EVL: variants seen among roughly 807,000 people sequenced by gnomAD.
EVL encodes ena/VASP-like protein.
A neutral mutation model predicts 59.6 loss-of-function variants in EVL; 21 were observed. The observed-to-expected ratio is 0.35, with a 90% CI of 0.25 to 0.51. EVL has a LOEUF of 0.51. EVL is among the 20% of genes least tolerant of loss of function. The probability of loss-of-function intolerance (pLI) is 0.97; values close to 1 mark genes in which losing one functional copy is unlikely to be tolerated. For synonymous variants in EVL, 198 were observed against 203.5 expected (o/e 0.97, Z 0.23); for missense variants, 462 against 546.6 (o/e 0.85, Z 1.54).
rs755798736 is a variant in EVL at position 100,128,678 on chromosome 14, G to A, written c.647G>A (p.Ser216Asn). The A allele has an allele frequency of 1.3e-6, 2 of 1,588,976 alleles. No homozygotes were observed. The highest frequency in any genetic ancestry group is 3.4e-5 in the Admixed American group (2 of 58,264). ...PLPAGGAQGS[S>N]HDESSMSGLA... is the part of the protein sequence containing the mutation. Reference sequence around the variant, plus strand: ...CCAGCCGGAGGAGCCCAGGGGTCCAGCCACGACGAGAGCTCCATGTCAGGA... The same window carrying A: ...CCAGCCGGAGGAGCCCAGGGGTCCAACCACGACGAGAGCTCCATGTCAGGA... Residue 216 changes from serine (S) to asparagine (N), a missense_variant, in exon 6 of 14, where the codon AGC (serine) becomes AAC (asparagine). Transcript: ENST00000392920.
intron 1 of EVL, among the ~76,000 whole-genome samples, chr14:100,005,702 T>C (rs2060974503): frequency 6.6e-6 from 1 of 151,726 alleles, no homozygotes; most frequent in Non-Finnish European, 1.5e-5. Context: ...TTAAACTGAC[T>C]TTTAACCATT....
At chr14:100,039,750 C>T (rs1006177715) in intron 1 of EVL, among the ~76,000 whole-genome samples, 1 of 152,062 alleles carries the variant, frequency 6.6e-6, no homozygotes, top group Non-Finnish European at 1.5e-5. Flanking sequence ...TTCTCTCTGG[C>T]TTGTGTGTCT....
At chr14:100,071,314 A>C (rs2062044438) in intron 1 of EVL, among the ~76,000 whole-genome samples, 1 of 152,220 alleles carries the variant, frequency 6.6e-6, no homozygotes, top group Non-Finnish European at 1.5e-5. Context: ...ATTGTCTTTC[A>C]TTGCTGTAAT....
chr14:100,109,673 A>C lies in EVL; in HGVS notation c.358+12015A>C. On this transcript the variant is annotated intron_variant, in intron 3 of 13. Transcript: ENST00000392920. This position sits in a 1 kb window ranked among gnomAD's most constrained non-coding sequence, Gnocchi z 4.3. ...AACCTGTGAAACTGGGCTCAAGGTG[A>C]GGGGTGCTATCTGTGATTGAGGGAC... is the stretch of plus-strand genomic sequence containing the variant. The C allele has an allele frequency of 1.9e-6, 1 of 532,166 alleles. No homozygotes were observed. Among genetic ancestry groups the C allele is most frequent in the Non-Finnish European group, 3.9e-6 (1 of 259,006 alleles). The allele number at this position is 532,166 out of a possible 1,614,324, so 33.0% of individuals were successfully genotyped here.
At chr14:100,029,948 C>T (rs1199763688) in intron 1 of EVL, among the ~76,000 whole-genome samples, 1 of 152,154 alleles carries the variant, frequency 6.6e-6, no homozygotes, top group Non-Finnish European at 1.5e-5. Context: ...GGAAATCCTA[C>T]TAGGTGTTTT....
chr14:100,022,981 A>G (rs2061151214), intron 1 of EVL, among the ~76,000 whole-genome samples: 1 of 152,094 alleles, frequency 6.6e-6, no homozygotes, highest in African/African-American at 2.4e-5. Flanking sequence ...ATCCCTGCAG[A>G]TGATCTCACT....
intron 1 of EVL, among the ~76,000 whole-genome samples, chr14:100,026,657 T>C (rs2061218832): frequency 6.6e-6 from 1 of 152,198 alleles, no homozygotes; most frequent in South Asian, 2.1e-4. Context: ...TGCTTACTAC[T>C]GTGTAGTTGT....
At chr14:100,036,138 A>G (rs1159214099) in intron 1 of EVL, among the ~76,000 whole-genome samples, 3 of 152,092 alleles carry the variant, frequency 2.0e-5, no homozygotes, top group Non-Finnish European at 4.4e-5. Context: ...CAGAAACCCT[A>G]CTGTGAACTG....
rs566542060 is a variant in EVL, at chr14:100,129,621, G to A, written c.776G>A (p.Arg259Gln). Residue 259 changes from arginine (R) to glutamine (Q), a missense_variant, in exon 7 of 14, where the codon CGG becomes CAG. Physicochemically the swap from Arg to Gln is conservative, Grantham distance 43. Transcript: ENST00000392920. Reference sequence around the variant, plus strand: ...GGGACCTCAAAGTCCGATGCCAACCGGGCAAGCAGCGGGGGTGGCGGAGGA... The same window carrying A: ...GGGACCTCAAAGTCCGATGCCAACCAGGCAAGCAGCGGGGGTGGCGGAGGA... ...PSGTSKSDAN[R>Q]ASSGGGGGGL... 9 of 1,613,074 alleles carry A rather than the reference G, an allele frequency of 5.6e-6. No homozygotes were observed. The highest frequency in any genetic ancestry group is 2.2e-5 in the East Asian group (1 of 44,870).
At chr14:99,991,280 C>T (rs1191011) in intron 1 of EVL, among the ~76,000 whole-genome samples, 9,445 of 152,202 alleles carry the variant, frequency 0.062, 472 homozygotes, top group East Asian at 0.28. Context: ...AAGTACAGCT[C>T]GCTGCCAGTG....
intron 1 of EVL, among the ~76,000 whole-genome samples, chr14:99,997,517 G>A (rs2060921617): frequency 1.3e-5 from 2 of 152,244 alleles, no homozygotes; most frequent in African/African-American, 2.4e-5. Flanking sequence ...TCTGGGAGAG[G>A]AAAAGATTAG....
intron 1 of EVL, among the ~76,000 whole-genome samples, chr14:100,079,643 C>T (rs188914409): frequency 3.9e-5 from 6 of 152,192 alleles, no homozygotes; most frequent in Non-Finnish European, 8.8e-5. Context: ...TGGTTAGCCT[C>T]GTTCCTCCCT....
intron 11 of EVL, 197 bp from the exon 12 acceptor site, chr14:100,140,983 G>A: frequency 1.9e-6 from 1 of 523,294 alleles, no homozygotes; most frequent in South Asian, 2.7e-5. Context: ...TACAGTCACG[G>A]TATCCATGGA....
At chr14:100,035,193 A>G (rs531317014) in intron 1 of EVL, among the ~76,000 whole-genome samples, 32 of 152,316 alleles carry the variant, frequency 2.1e-4, no homozygotes, top group African/African-American at 7.5e-4. Flanking sequence ...AAGTCACTCA[A>G]TTAGAAAATC....
At chr14:100,096,396 A>C (rs1350291861) in intron 2 of EVL, among the ~76,000 whole-genome samples, 1 of 152,150 alleles carries the variant, frequency 6.6e-6, no homozygotes, top group Non-Finnish European at 1.5e-5. Context: ...GCATACTTCC[A>C]TTCGTAGAGA....
chr14:100,012,123 G>C (rs548880056), intron 1 of EVL, among the ~76,000 whole-genome samples: 8 of 152,082 alleles, frequency 5.3e-5, no homozygotes, highest in Non-Finnish European at 1.0e-4. Context: ...GGGTTCAAAA[G>C]GGACATTGAT....
intron 3 of EVL, among the ~76,000 whole-genome samples, chr14:100,115,389 G>A (rs983599121): frequency 3.3e-5 from 5 of 152,162 alleles, no homozygotes; most frequent in African/African-American, 1.2e-4. Flanking sequence ...CGGTACATGC[G>A]CAGCACCAGG....
rs1889374195 is a variant in EVL, at chr14:100,144,038, A to G, written c.*300A>G. The G allele has an allele frequency of 2.3e-6, 1 of 435,928 alleles. No individual in the cohort carries two copies. The highest frequency in any genetic ancestry group is 4.1e-6 in the Non-Finnish European group (1 of 243,590). The allele number at this position is 435,928 out of a possible 1,614,324, so 27.0% of individuals were successfully genotyped here. A position where few individuals can be genotyped will look rare whatever the true frequency, so the allele number is the denominator to read the frequency against. On this transcript the variant is annotated 3_prime_UTR_variant, in exon 14 of 14. Transcript: ENST00000392920. ...GAGACGCCCCTAAGTCACCTGCTTCATTAGACGGTTTCCAGGTTTTCTCCC... is the reference window on the plus strand; with the variant it reads ...GAGACGCCCCTAAGTCACCTGCTTCGTTAGACGGTTTCCAGGTTTTCTCCC...
At chr14:100,027,434 C>T (rs2061233013) in intron 1 of EVL, among the ~76,000 whole-genome samples, 1 of 152,120 alleles carries the variant, frequency 6.6e-6, no homozygotes, top group South Asian at 2.1e-4. Context: ...TGATAACCAT[C>T]ATTCTACTCT....
Sources: allele counts gnomAD v4.1 joint callset (sites outside exome capture counted in the v4.1 genomes callset), GRCh38; gene constraint gnomAD v4.1.1; non-coding constraint Gnocchi (gnomAD v3.1); transcripts MANE v1.5; gene names NCBI Gene and HGNC (gene_info 2026-07-23, HGNC 2026-07-21).